Variants in NETO1 observed in about 807,000 individuals in gnomAD.
The protein encoded by NETO1 is neuropilin and tolloid-like protein 1.
In NETO1, 26 loss-of-function variants were observed where a neutral mutation model predicts 61.3. The ratio of observed to expected loss-of-function variants is 0.42; its 90% CI spans 0.31 to 0.59. NETO1 has a LOEUF of 0.59. Ranked by LOEUF, NETO1 falls within the 20% of genes least tolerant of loss-of-function variation. NETO1 has a pLI of 0.12. For missense variants in NETO1, 531 were observed against 662.8 expected, an observed-to-expected ratio of 0.80 and a Z score of 2.18; for synonymous variants, 225 against 225.8, an observed-to-expected ratio of 1.00 and a Z score of 0.03.
chr18:72,778,314 T>C (rs1327289103), intron 7 of NETO1, among the ~76,000 whole-genome samples: 1 of 152,254 alleles, frequency 6.6e-6, no homozygotes, highest in African/African-American at 2.4e-5. Context: ...CCTGCCTGGC[T>C]ACACCTTTGG....
At chr18:72,809,087 G>A (rs371852086) in intron 4 of NETO1, among the ~76,000 whole-genome samples, 1 of 152,118 alleles carries the variant, frequency 6.6e-6, no homozygotes, top group African/African-American at 2.4e-5. Context: ...CCTTTACCAA[G>A]GGCAGAATCT....
At chr18:72,827,716 C>CAAAAA (rs535573315) in intron 4 of NETO1, among the ~76,000 whole-genome samples, 10 of 100,282 alleles carry the variant, frequency 1.0e-4, no homozygotes, top group Non-Finnish European at 1.2e-4. Flanking sequence ...GACCCTGTCT[C>CAAAAA]AAAAAAAAAA....
At position 72,750,485 on chromosome 18, in the gene NETO1, A is replaced by T. The variant is rs2070562387; in HGVS notation, c.1118T>A (p.Val373Asp). The T allele has an allele frequency of 1.9e-6, 3 of 1,614,108 alleles. No individual in the cohort carries two copies. The highest frequency in any genetic ancestry group is 2.5e-6 in the Non-Finnish European group (3 of 1,180,010). ...VQIKQPRKKY[V>D]QRKSDFDQTV... ...CTGGTCAAAGTCTGATTTCCTTTGG[A>T]CATACTTTTTACGAGGCTGTTTGAT... The change falls in exon 9 of 11, where the codon GTC becomes GAC. Residue 373 changes from valine to aspartate, a missense_variant. Val to Asp is a radical substitution (Grantham distance 152). Coordinates refer to ENST00000327305, the MANE Select transcript of NETO1 (RefSeq NM_138966.5).
At chr18:72,811,268 A>C (rs918188282) in intron 4 of NETO1, among the ~76,000 whole-genome samples, 26 of 152,118 alleles carry the variant, frequency 1.7e-4, no homozygotes, top group Admixed American at 3.9e-4. Flanking sequence ...CGTGAAACCC[A>C]TGACTCATCT....
rs1473034705 is a variant in NETO1 at position 72,867,815 on chromosome 18, G to C, written c.-524C>G. On this transcript the variant is annotated 5_prime_UTR_variant, in exon 1 of 11. Transcript: ENST00000327305. ...GCGCCGGCGGCGGCGGGGTGGCTCA[G>C]TCCCCAGTCTCAGACGCGCCGCGCA... is the stretch of plus-strand genomic sequence containing the variant. 1 of 154,782 alleles carries C rather than the reference G, an allele frequency of 6.5e-6. No individual in the cohort carries two copies. The highest frequency in any genetic ancestry group is 1.4e-5 in the Non-Finnish European group (1 of 72,644). The allele number at this position is 154,782 out of a possible 1,614,324, so 9.6% of individuals were successfully genotyped here.
At chr18:72,743,214 A>G (rs1056354951), downstream of NETO1, among the ~76,000 whole-genome samples, 3 of 152,176 alleles carry the variant, frequency 2.0e-5, no homozygotes, top group Non-Finnish European at 4.4e-5. Flanking sequence ...TATACTTAGT[A>G]TGTCTCCTGT....
At chr18:72,801,162 A>G (rs987586107) in intron 4 of NETO1, among the ~76,000 whole-genome samples, 1 of 152,234 alleles carries the variant, frequency 6.6e-6, no homozygotes, top group African/African-American at 2.4e-5. Flanking sequence ...GTCTACCTCA[A>G]AAGCCATGCA....
At chr18:72,753,007 GA>G (rs202017876) in intron 8 of NETO1, among the ~76,000 whole-genome samples, 6 of 150,076 alleles carry the variant, frequency 4.0e-5, no homozygotes, top group African/African-American at 1.5e-4. Flanking sequence ...CAGAGCCTCA[GA>G]AAAAAAAATG....
At chr18:72,796,244 C>T (rs2072306213) in intron 4 of NETO1, among the ~76,000 whole-genome samples, 1 of 152,164 alleles carries the variant, frequency 6.6e-6, no homozygotes, top group African/African-American at 2.4e-5. Context: ...AAACCTGTAA[C>T]TACAGGCTGA....
At chr18:72,853,351 G>A (rs569742917) in intron 4 of NETO1, 3 of 152,574 alleles carry the variant, frequency 2.0e-5, no homozygotes, top group South Asian at 2.1e-4. Context: ...GCCATTAAAG[G>A]TAAAGGTGAT....
intron 7 of NETO1, among the ~76,000 whole-genome samples, chr18:72,768,573 G>A (rs2071241262): frequency 6.6e-6 from 1 of 152,174 alleles, no homozygotes; most frequent in African/African-American, 2.4e-5. Context: ...TCGCAGGTGT[G>A]AATAAAGATT....
chr18:72,784,763 T>C (rs2071857349), intron 6 of NETO1, among the ~76,000 whole-genome samples: 1 of 152,224 alleles, frequency 6.6e-6, no homozygotes. Flanking sequence ...GCATTCAAAA[T>C]CACAAGAATT....
rs777196532 is a variant in NETO1, at chr18:72,858,933, T to C, written c.362A>G (p.Gln121Arg). 18 of 1,613,880 alleles carry C rather than the reference T, an allele frequency of 1.1e-5. No homozygotes were observed. Among genetic ancestry groups the C allele is most frequent in the South Asian group, 2.2e-5 (2 of 91,084 alleles). The change falls in exon 4 of 11, where the codon CAA becomes CGA. Residue 121 changes from glutamine to arginine, a missense_variant. Gln to Arg is a conservative substitution (Grantham distance 43, BLOSUM62 1). Transcript: ENST00000327305. ...SPIIGRFCGQ[Q>R]NPPVIKSSGR... ...ACTGGATTTTATGACAGGTGGATTT[T>C]GTTGTCCACAGAAACGTCCAATTAT... is the stretch of plus-strand genomic sequence containing the variant.
intron 4 of NETO1, among the ~76,000 whole-genome samples, chr18:72,802,929 T>C (rs909178536): frequency 1.4e-4 from 21 of 152,352 alleles, no homozygotes; most frequent in African/African-American, 4.8e-4. Context: ...TAAGGCACTT[T>C]TGCTGCAGAC....
intron 4 of NETO1, among the ~76,000 whole-genome samples, chr18:72,849,691 C>T (rs2074193229): frequency 2.0e-5 from 3 of 152,068 alleles, no homozygotes; most frequent in Admixed American, 2.0e-4. Flanking sequence ...TAACAATTAC[C>T]ACAACTTAGA....
At chr18:72,855,589 G>A (rs535824772) in intron 4 of NETO1, among the ~76,000 whole-genome samples, 78 of 152,240 alleles carry the variant, frequency 5.1e-4, no homozygotes, top group African/African-American at 1.6e-3. Context: ...CTGTTCCCAC[G>A]TACAAATGGG....
rs180819066 is a variant in NETO1, at chr18:72,823,706, A to G, written c.470-29302T>C. 2.6e-5 allele frequency among the ~76,000 whole-genome samples: 4 copies of G among 152,272 alleles called. No homozygotes were observed. In the East Asian group the frequency reaches 5.8e-4, roughly 22 times the overall value. ...TCTTTATGTTTTTCAATAGATTTTT[A>G]AAAATAGTCAAAGAAGGATATTTGG... On this transcript the variant is annotated intron_variant, in intron 4 of 10. Coordinates refer to ENST00000327305, the MANE Select transcript of NETO1 (RefSeq NM_138966.5).
intron 4 of NETO1, among the ~76,000 whole-genome samples, chr18:72,815,262 A>G (rs2072996472): frequency 6.6e-6 from 1 of 152,202 alleles, no homozygotes; most frequent in Non-Finnish European, 1.5e-5. Flanking sequence ...TATGATTTCT[A>G]TAAGGGAAGA....
At chr18:72,841,137 CTG>C (rs1443613664) in intron 4 of NETO1, among the ~76,000 whole-genome samples, 2 of 152,166 alleles carry the variant, frequency 1.3e-5, no homozygotes, top group African/African-American at 4.8e-5. Context: ...GATGGCCAGA[CTG>C]TGTTTAAAAA....
Sources: allele counts gnomAD v4.1 joint callset (sites outside exome capture counted in the v4.1 genomes callset), GRCh38; gene constraint gnomAD v4.1.1; transcripts MANE v1.5; gene names NCBI Gene and HGNC (gene_info 2026-07-23, HGNC 2026-07-21).